PTPRF: variants seen among roughly 807,000 people sequenced by gnomAD.
The protein encoded by PTPRF is protein tyrosine phosphatase receptor type F, also known as receptor-type tyrosine-protein phosphatase F.
In PTPRF, 59 loss-of-function variants were observed where a neutral mutation model predicts 201.8. The ratio of observed to expected loss-of-function variants is 0.29; its 90% CI spans 0.24 to 0.36. The LOEUF (loss-of-function observed/expected upper bound fraction) is 0.36, where lower values mean the gene tolerates loss of function less well. PTPRF is among the 10% of genes least tolerant of loss of function. The pLI is 1.00. For synonymous variants in PTPRF, 1,088 were observed against 1,089.7 expected (o/e 1.00, Z 0.03); for missense variants, 2,132 against 2,690.5 (o/e 0.79, Z 4.59).
intron 7 of PTPRF, among the ~76,000 whole-genome samples, chr1:43,585,673 T>TTTAGAAGA (rs1648952045): frequency 6.6e-6 from 1 of 152,190 alleles, no homozygotes; most frequent in Admixed American, 6.5e-5. Flanking sequence ...AAGACGTGGC[T>TTTAGAAGA]CAGGGCGTTG....
intron 22 of PTPRF, 61 bp downstream of exon 22, chr1:43,609,559 TC>T (rs1434753251): frequency 2.4e-6 from 3 of 1,271,572 alleles, no homozygotes; most frequent in Non-Finnish European, 3.4e-6. Flanking sequence ...GTGGGTCTGT[TC>T]TGCAGGTCTC....
In PTPRF at chr1:43,578,918, G is replaced by A. The variant is rs1377104184; in HGVS notation, c.677G>A (p.Arg226Gln). The change falls in exon 7 of 34, where the codon CGA becomes CAA. Residue 226 changes from arginine to glutamine, a missense_variant and splice_region_variant. This residue lies in a region of PTPRF where 297 missense variants were observed against 454.0 expected (regional missense o/e 0.65). Transcript: ENST00000359947. ...RYSAPANLYV[R>Q]VRRVAPRFSI... ...TCAGCCCCTGCGAACCTGTATGTGC[G>A]AGGTAAGGACTCAGGCAGTGCCTGG... 3 of 1,614,106 alleles carry A rather than the reference G, an allele frequency of 1.9e-6. No homozygotes were observed. Among genetic ancestry groups the A allele is most frequent in the African/African-American group, 1.3e-5 (1 of 75,080 alleles).
rs752914065 is a variant in PTPRF, at chr1:43,598,925, G to A, written c.2313+12G>A. ...TAGCCGAGGCCCAGGTGCAGCATTG[G>A]GTGGTGGTGGGGTGGCAGGGTGAGC... On this transcript the variant is annotated intron_variant, in intron 13 of 33. Transcript: ENST00000359947. 13 of 1,610,102 alleles carry A rather than the reference G, an allele frequency of 8.1e-6. No individual in the cohort carries two copies. In the African/African-American group the frequency reaches 1.6e-4, roughly 20 times the overall value.
intron 11 of PTPRF, among the ~76,000 whole-genome samples, chr1:43,597,493 G>A (rs1484909120): frequency 2.0e-5 from 3 of 152,142 alleles, no homozygotes; most frequent in African/African-American, 4.8e-5. Context: ...GTGAGAGTCA[G>A]TGTGTGTGAT....
intron 23 of PTPRF, among the ~76,000 whole-genome samples, chr1:43,616,738 C>G (rs982172015): frequency 2.6e-5 from 4 of 152,160 alleles, no homozygotes; most frequent in Admixed American, 2.6e-4. Flanking sequence ...GAAGGACCTC[C>G]CGGTGGAGGT....
chr1:43,571,971 T>A (rs1262057065), intron 6 of PTPRF, among the ~76,000 whole-genome samples: 1 of 152,256 alleles, frequency 6.6e-6, no homozygotes, highest in Non-Finnish European at 1.5e-5. Context: ...GTTGATGGCC[T>A]GGCCTCTGGT....
In PTPRF at chr1:43,588,990, C is replaced by G; in HGVS notation, c.939C>G (p.Val313=). ...SLGMIEATAQ[V]TVKALPKPPI... ...GCATGATCGAGGCCACAGCCCAGGT[C>G]ACAGTGAAAGGTGAGTGTGGCAGGT... Residue 313 remains valine, a synonymous_variant, in exon 8 of 34, where the codon GTC becomes GTG. Coordinates refer to ENST00000359947, the MANE Select transcript of PTPRF (RefSeq NM_002840.5). The surrounding 1 kb of genome is among the most constrained non-coding windows in gnomAD (Gnocchi z 5.3). The G allele has an allele frequency of 1.9e-6, 3 of 1,554,158 alleles. No homozygotes were observed. Among genetic ancestry groups the G allele is most frequent in the African/African-American group, 1.3e-5 (1 of 74,092 alleles).
chr1:43,524,490 C>T (rs563458160), upstream of PTPRF, among the ~76,000 whole-genome samples: 47 of 152,124 alleles, frequency 3.1e-4, no homozygotes, highest in African/African-American at 9.6e-4. Flanking sequence ...TGAGACCCCA[C>T]CTCTACAAAA....
chr1:43,601,969 T>G (rs1653856520), intron 13 of PTPRF, 102 bp from the exon 14 acceptor site: 1 of 1,412,678 alleles, frequency 7.1e-7, no homozygotes, highest in Non-Finnish European at 1.0e-6. Flanking sequence ...CCAAAAGCCC[T>G]CCCTCTGTCC....
At chr1:43,606,752 A>G in intron 20 of PTPRF, 62 bp from the exon 21 acceptor site, 2 of 1,581,280 alleles carry the variant, frequency 1.3e-6, no homozygotes, top group South Asian at 2.3e-5. Context: ...CAGGATTAAT[A>G]GGCAGAGGGT....
intron 11 of PTPRF, among the ~76,000 whole-genome samples, chr1:43,596,383 G>T (rs1652265758): frequency 6.6e-6 from 1 of 152,120 alleles, no homozygotes; most frequent in Admixed American, 6.5e-5. Context: ...GGGTCAAGGG[G>T]CTGCTGAAGT....
At chr1:43,562,400 G>A (rs1023413521) in intron 5 of PTPRF, among the ~76,000 whole-genome samples, 6 of 150,376 alleles carry the variant, frequency 4.0e-5, no homozygotes, top group East Asian at 2.0e-4. Flanking sequence ...GAGCCACCGC[G>A]CCTGGCCCTG....
At position 43,604,178 on chromosome 1, in the gene PTPRF, CGGTGGAGCAA is replaced by C; in HGVS notation, c.3031_3037+3del. 6.2e-7 allele frequency: 1 copy of C among 1,613,692 alleles called. No homozygotes were observed. The highest frequency in any genetic ancestry group is 8.5e-7 in the Non-Finnish European group (1 of 1,179,804). On this transcript the variant is annotated frameshift_variant and splice_region_variant, in exon 16 of 34. Transcript: ENST00000359947. LOFTEE classifies it high-confidence loss of function. ...CCCAGCATCCAGTCCCGGACCATGC[CGGTGGAGCAA>C]GGTGTGTGCTGTGGACATGGCATCC...
chr1:43,604,523 C>T (rs1264910393), intron 16 of PTPRF, among the ~76,000 whole-genome samples: 1 of 152,174 alleles, frequency 6.6e-6, no homozygotes, highest in Admixed American at 6.5e-5. Context: ...CCATGACCCA[C>T]CGACCTCTAG....
At chr1:43,585,598 A>G (rs1460735770) in intron 7 of PTPRF, among the ~76,000 whole-genome samples, 1 of 152,100 alleles carries the variant, frequency 6.6e-6, no homozygotes, top group Non-Finnish European at 1.5e-5. Flanking sequence ...GGAGGGAAAA[A>G]ATAAACACAA....
intron 7 of PTPRF, among the ~76,000 whole-genome samples, chr1:43,585,036 A>G (rs922605738): frequency 2.6e-5 from 4 of 152,246 alleles, no homozygotes; most frequent in Admixed American, 2.6e-4. Context: ...GAAATTGTCT[A>G]TAAAATGTCA....
chr1:43,544,653 C>T (rs1250202597), intron 2 of PTPRF, among the ~76,000 whole-genome samples: 1 of 152,214 alleles, frequency 6.6e-6, no homozygotes, highest in East Asian at 1.9e-4. Context: ...CTCTCTGACC[C>T]TGTTTCCCTG....
intron 31 of PTPRF, 121 bp downstream of exon 31, chr1:43,620,700 G>T: frequency 6.5e-7 from 1 of 1,529,038 alleles, no homozygotes; most frequent in Non-Finnish European, 8.9e-7. Flanking sequence ...GTATTAGGGT[G>T]TGAGCACATC....
intron 1 of PTPRF, among the ~76,000 whole-genome samples, chr1:43,534,485 T>G (rs1022741796): frequency 2.6e-5 from 4 of 151,910 alleles, no homozygotes; most frequent in African/African-American, 4.8e-5. Context: ...ACAGAATGAT[T>G]TATTGGATGT....
Sources: allele counts gnomAD v4.1 joint callset (sites outside exome capture counted in the v4.1 genomes callset), GRCh38; gene constraint gnomAD v4.1.1; regional missense constraint gnomAD v4.1.1; non-coding constraint Gnocchi (gnomAD v3.1); transcripts MANE v1.5; gene names NCBI Gene and HGNC (gene_info 2026-07-23, HGNC 2026-07-21).